The following FLT1 variants were observed in gnomAD, a reference collection of about 807,000 sequenced individuals.
FLT1 encodes fms related receptor tyrosine kinase 1.
A neutral mutation model predicts 156.3 loss-of-function variants in FLT1; 49 were observed. That is an observed-to-expected ratio of 0.31 (90% CI 0.25 to 0.40). FLT1 has a LOEUF of 0.40. Among genes scored for constraint, FLT1 ranks in the 10% least tolerant of loss-of-function variants. FLT1 has a pLI of 1.00. For synonymous variants in FLT1, 594 were observed against 583.8 expected (o/e 1.02, Z -0.25); for missense variants, 1,322 against 1,637.2 (o/e 0.81, Z 3.32).
chr13:28,341,239 T>C (rs1253042520), intron 16 of FLT1, among the ~76,000 whole-genome samples: 1 of 152,184 alleles, frequency 6.6e-6, no homozygotes, highest in African/African-American at 2.4e-5. Context: ...AAACAAACCT[T>C]AAGTGAGGGC....
intron 25 of FLT1, among the ~76,000 whole-genome samples, chr13:28,315,994 T>C (rs915985841): frequency 2.6e-5 from 4 of 152,236 alleles, no homozygotes; most frequent in Non-Finnish European, 4.4e-5. Flanking sequence ...CTCTGGGAAC[T>C]TCAAATGAGA....
chr13:28,345,450 T>C lies in FLT1; in HGVS notation c.2350A>G (p.Lys784Glu), dbSNP rs1227218918. 1 of 1,597,572 alleles carries C rather than the reference T, an allele frequency of 6.3e-7. No homozygotes were observed. Among genetic ancestry groups the C allele is most frequent in the Admixed American group, 1.7e-5 (1 of 59,796 alleles). Residue 784 changes from lysine to glutamate, a missense_variant, in exon 16 of 30, where the codon AAA becomes GAA. Lys to Glu is a moderately conservative substitution (Grantham distance 56). Around this residue, in one of 3 missense-constraint regions of FLT1, gnomAD observed 991 missense variants for 1,254.8 expected, o/e 0.79. Coordinates refer to ENST00000282397, the MANE Select transcript of FLT1 (RefSeq NM_002019.4). The stretch of plus-strand genomic sequence containing the variant: ...AACATCACCTATGTTCTTACCCTTT[T>C]CATTTTTCGGATAAAGAGGGTTAAT... ...LLLTLFIRKM[K>E]RSSSEIKTDY...
intron 3 of FLT1, among the ~76,000 whole-genome samples, chr13:28,450,195 C>G (rs989136904): frequency 6.6e-6 from 1 of 152,166 alleles, no homozygotes; most frequent in Non-Finnish European, 1.5e-5. Flanking sequence ...CACACACACA[C>G]CTCACACACA....
At chr13:28,473,677 G>A (rs1006600486) in intron 1 of FLT1, among the ~76,000 whole-genome samples, 3 of 143,478 alleles carry the variant, frequency 2.1e-5, no homozygotes, top group Admixed American at 7.2e-5. Flanking sequence ...AAGAAAGAGA[G>A]AGAGAGAGAG....
intron 23 of FLT1, among the ~76,000 whole-genome samples, 198 bp from the exon 24 acceptor site, chr13:28,319,732 C>T (rs1017469075): frequency 3.3e-5 from 5 of 152,092 alleles, no homozygotes; most frequent in African/African-American, 9.7e-5. Context: ...ATACTGAGTC[C>T]CATGAAGGCA....
In FLT1 at chr13:28,405,778, A is replaced by C; in HGVS notation, c.1551+2T>G. On this transcript the variant is annotated splice_donor_variant, in intron 11 of 29. Transcript: ENST00000282397. LOFTEE classifies it high-confidence loss of function. Reference sequence around the variant, plus strand: ...CCCAGTGCGCATTTTTACAAACAATACCTTATTCTTTCCTTCTATTATTGC... The same window carrying C: ...CCCAGTGCGCATTTTTACAAACAATCCCTTATTCTTTCCTTCTATTATTGC... The C allele has an allele frequency of 4.1e-6, 6 of 1,467,292 alleles. No homozygotes were observed. Among genetic ancestry groups the C allele is most frequent in the Non-Finnish European group, 5.7e-6 (6 of 1,046,642 alleles). The allele number at this position is 1,467,292 out of a possible 1,614,324, so 90.9% of individuals were successfully genotyped here.
chr13:28,350,245 G>A (rs1237835883), intron 15 of FLT1, among the ~76,000 whole-genome samples: 2 of 152,186 alleles, frequency 1.3e-5, no homozygotes, highest in African/African-American at 4.8e-5. Context: ...ATCAGGACAC[G>A]GTACAAGGTT....
chr13:28,340,147 G>A (rs567646880), intron 16 of FLT1, among the ~76,000 whole-genome samples: 1 of 152,056 alleles, frequency 6.6e-6, no homozygotes, highest in African/African-American at 2.4e-5. Flanking sequence ...CCCAGGAGGT[G>A]GAGGTTGCAG....
Position 28,322,707 on chromosome 13 carries a change from AT to A in FLT1, c.2953+82del, listed in dbSNP as rs1263225034. 9 of 1,307,820 alleles carry A rather than the reference AT, an allele frequency of 6.9e-6. No homozygotes were observed. The African/African-American group carries it at 1.3e-4, about 19-fold the overall frequency. 81.0% of individuals were successfully genotyped at this position (1,307,820 alleles called of 1,614,324 possible). A position where few individuals can be genotyped will look rare whatever the true frequency, so the allele number is the denominator to read the frequency against. On this transcript the variant is annotated intron_variant, in intron 21 of 29. Transcript: ENST00000282397. The surrounding 1 kb of genome is among the most constrained non-coding windows in gnomAD (Gnocchi z 4.3). Reference sequence around the variant, plus strand: ...TCTCCCACGGATGTTTATTAGAGTGATAAATAAGAAAAAAATTTCAGAGATG... The same window carrying A: ...TCTCCCACGGATGTTTATTAGAGTGAAAATAAGAAAAAAATTTCAGAGATG...
chr13:28,303,307 A>G lies in FLT1; in HGVS notation c.3877T>C (p.Cys1293Arg). ...GLSDVSRPSF[C>R]HSSCGHVSEG... ...CTGACGTGCCCACAGCTGGAATGGCAGAAACTGGGCCTGCTGACATCAGAC... is the reference window on the plus strand; with the variant it reads ...CTGACGTGCCCACAGCTGGAATGGCGGAAACTGGGCCTGCTGACATCAGAC... Residue 1293 changes from cysteine to arginine, a missense_variant, in exon 30 of 30, where the codon TGC becomes CGC. By Grantham distance (180) the Cys-to-Arg change is radical. Coordinates refer to ENST00000282397, the MANE Select transcript of FLT1 (RefSeq NM_002019.4). The G allele has an allele frequency of 2.5e-6, 4 of 1,614,186 alleles. No individual in the cohort carries two copies. The highest frequency in any genetic ancestry group is 3.4e-6 in the Non-Finnish European group (4 of 1,180,040).
intron 15 of FLT1, among the ~76,000 whole-genome samples, chr13:28,347,897 T>TG (rs752822575): frequency 5.3e-5 from 8 of 152,164 alleles, no homozygotes; most frequent in African/African-American, 1.9e-4. Context: ...CTGCAAGTGG[T>TG]GGAGCTGTGA....
chr13:28,428,229 C>T (rs1004754087), intron 8 of FLT1, among the ~76,000 whole-genome samples: 2 of 152,108 alleles, frequency 1.3e-5, no homozygotes, highest in African/African-American at 4.8e-5. Flanking sequence ...GAAGCAGGGG[C>T]TCTGATTCCA....
intron 10 of FLT1, among the ~76,000 whole-genome samples, chr13:28,406,123 C>T (rs1875787377): frequency 6.6e-6 from 1 of 151,668 alleles, no homozygotes; most frequent in Non-Finnish European, 1.5e-5. Context: ...ACCATACATC[C>T]TTTTCGTTGT....
intron 15 of FLT1, among the ~76,000 whole-genome samples, chr13:28,353,299 G>A (rs905538366): frequency 1.1e-4 from 17 of 152,196 alleles, no homozygotes; most frequent in South Asian, 8.3e-4. Context: ...TTGGCTGGGC[G>A]CGGTGGCTCA....
intron 28 of FLT1, among the ~76,000 whole-genome samples, chr13:28,307,062 T>C (rs1382302587): frequency 6.6e-6 from 1 of 152,232 alleles, no homozygotes; most frequent in East Asian, 1.9e-4. Context: ...TAGTAAACTG[T>C]GATGCAATTT....
At position 28,431,124 on chromosome 13, in the gene FLT1, A is replaced by T; in HGVS notation, c.988+12T>A. ...AGCATAGCATGAGTTGGCAACGCTG[A>T]ACTATGCTTACCATATATATGCACT... On this transcript the variant is annotated intron_variant, in intron 7 of 29. Transcript: ENST00000282397. 1 of 1,607,846 alleles carries T rather than the reference A, an allele frequency of 6.2e-7. No homozygotes were observed.
At chr13:28,342,182 C>T (rs768392594) in intron 16 of FLT1, among the ~76,000 whole-genome samples, 4 of 152,086 alleles carry the variant, frequency 2.6e-5, no homozygotes, top group Non-Finnish European at 5.9e-5. Context: ...CGTGCCCGGC[C>T]CCTTTCCAGT....
intron 19 of FLT1, among the ~76,000 whole-genome samples, chr13:28,329,395 A>G (rs1281838031): frequency 6.6e-6 from 1 of 152,200 alleles, no homozygotes; most frequent in Non-Finnish European, 1.5e-5. Flanking sequence ...GAGATCAAAA[A>G]GGGAGTCCTC....
intron 11 of FLT1, among the ~76,000 whole-genome samples, chr13:28,399,340 T>G (rs889051035): frequency 1.3e-5 from 2 of 152,168 alleles, no homozygotes; most frequent in African/African-American, 4.8e-5. Context: ...ATTCTCAGAT[T>G]AATTGTTGCT....
Sources: gnomAD v4.1 joint callset for allele counts (sites outside exome capture counted in the v4.1 genomes callset) on GRCh38, gnomAD v4.1.1 for gene constraint, gnomAD v4.1.1 regional missense constraint, Gnocchi (gnomAD v3.1) non-coding constraint, MANE v1.5 for transcripts, NCBI Gene and HGNC (gene_info 2026-07-23, HGNC 2026-07-21) for gene names.